The following NBPF12 variants were observed in gnomAD, a reference collection of about 807,000 sequenced individuals.
NBPF12 encodes NBPF member 12.
In NBPF12, 115 loss-of-function variants were observed where a neutral mutation model predicts 146.4. The observed-to-expected ratio is 0.79, with a 90% CI of 0.68 to 0.92. NBPF12 has a LOEUF of 0.92. Among genes scored for constraint, NBPF12 ranks in the 40% least tolerant of loss-of-function variants. The pLI is 0.00. For synonymous variants in NBPF12, 385 were observed against 508.9 expected (o/e 0.76, Z 3.28); for missense variants, 1,205 against 1,326.8 (o/e 0.91, Z 1.43).
chr1:146,941,374 T>C (rs2474003), intron 1 of NBPF12, among the ~76,000 whole-genome samples: 14 of 151,926 alleles, frequency 9.2e-5, no homozygotes, highest in South Asian at 4.2e-4. Context: ...CATGAGCTAC[T>C]GCACCCGGCC....
At chr1:146,970,826 G>A (rs1656558757) in intron 12 of NBPF12, 107 bp downstream of exon 15, 3 of 1,092,736 alleles carry the variant, frequency 2.7e-6, no homozygotes, top group Non-Finnish European at 4.2e-6. Flanking sequence ...GCATTCCCTT[G>A]GCCACAGTAT....
exon 13 of NBPF12, chr1:146,971,308 T>G: frequency 6.2e-7 from 1 of 1,612,140 alleles, no homozygotes; most frequent in Non-Finnish European, 8.5e-7. Flanking sequence ...AAAATCACAT[T>G]TGAGGAAGAC....
chr1:146,984,891 A>C, exon 22 of NBPF12: 2 of 1,595,530 alleles, frequency 1.3e-6, no homozygotes, highest in Non-Finnish European at 1.7e-6. Flanking sequence ...CAACTCCTTC[A>C]GTTTATCTTG....
chr1:146,972,909 T>C lies in NBPF12; in HGVS notation c.1750T>C (p.Cys584Arg), dbSNP rs1553886817. The C allele has an allele frequency of 1.3e-4, 137 of 1,031,102 alleles. 2 individuals are homozygous for C. In the East Asian group the frequency reaches 3.2e-3, roughly 24 times the overall value. The allele number at this position is 1,031,102 out of a possible 1,614,324, so 63.9% of individuals were successfully genotyped here. Residue 584 changes from cysteine to arginine, a missense_variant, in exon 14 of 34, where the codon TGT becomes CGT. By Grantham distance (180) the Cys-to-Arg change is radical (BLOSUM62 -3). Around this residue, in one of 16 missense-constraint regions of NBPF12, gnomAD observed 278 missense variants for 203.1 expected, o/e 1.37. Transcript: ENST00000617844. Reference sequence around the variant, plus strand: ...GCAGTTCAGAAGCCTCAAAGAGAAATGTTTTGTAACTCAAGTGGCCTGCTT... The same window carrying C: ...GCAGTTCAGAAGCCTCAAAGAGAAACGTTTTGTAACTCAAGTGGCCTGCTT...
At chr1:146,962,993 A>C (rs1388802611) in intron 5 of NBPF12, 102 bp from the exon 9 acceptor site, 4 of 960,164 alleles carry the variant, frequency 4.2e-6, no homozygotes, top group Non-Finnish European at 6.7e-6. Flanking sequence ...CTTCTGCTTG[A>C]AGGTCTCCTT....
intron 2 of NBPF12, among the ~76,000 whole-genome samples, chr1:146,955,773 G>A (rs1655556399): frequency 6.6e-6 from 1 of 151,546 alleles, no homozygotes; most frequent in African/African-American, 2.4e-5. Context: ...AAATCACAGA[G>A]GTTTGGAGAG....
At chr1:146,944,681 C>T (rs1265436237), upstream of NBPF12, among the ~76,000 whole-genome samples, 1 of 151,632 alleles carries the variant, frequency 6.6e-6, no homozygotes, top group African/African-American at 2.4e-5. Flanking sequence ...TATAGTTTTA[C>T]AGTAGTGCGT....
intron 11 of NBPF12, 124 bp from the exon 15 acceptor site, chr1:146,970,523 A>T (rs1190434381): frequency 7.6e-7 from 1 of 1,311,342 alleles, no homozygotes; most frequent in Admixed American, 1.7e-5. Flanking sequence ...GAAAGATAAA[A>T]CATGAGAGTT....
chr1:146,994,417 T>G, exon 34 of NBPF12: 1 of 1,612,288 alleles, frequency 6.2e-7, no homozygotes, highest in Non-Finnish European at 8.5e-7. Flanking sequence ...ATCAATGTAC[T>G]TTGAACTACC....
intron 1 of NBPF12, among the ~76,000 whole-genome samples, chr1:146,940,900 T>A (rs1229866683): frequency 6.6e-6 from 1 of 151,998 alleles, no homozygotes; most frequent in Non-Finnish European, 1.5e-5. Flanking sequence ...ATATGTCCTC[T>A]TTCATGAAGT....
intron 2 of NBPF12, among the ~76,000 whole-genome samples, chr1:146,954,981 TATATATA>T (rs1655513515): frequency 4.2e-5 from 1 of 23,834 alleles, no homozygotes; most frequent in Non-Finnish European, 6.8e-5. Flanking sequence ...TATATATATA[TATATATA>T]TATATATATA....
intron 2 of NBPF12, among the ~76,000 whole-genome samples, chr1:146,955,003 TATATATATATACAC>T (rs1281435149): frequency 1.6e-5 from 1 of 63,576 alleles, no homozygotes; most frequent in African/African-American, 6.6e-5. Flanking sequence ...TATATATATA[TATATATATATACAC>T]ACACACACAC....
intron 2 of NBPF12, among the ~76,000 whole-genome samples, chr1:146,952,932 A>G (rs1553884029): frequency 0.01 from 1,544 of 150,552 alleles, 19 homozygotes; most frequent in South Asian, 0.021. Flanking sequence ...GTCCCATAGC[A>G]TTATTTACCT....
rs1553885252 is a variant in NBPF12 at position 146,964,443 on chromosome 1, C to T, written c.566+14C>T. On this transcript the variant is annotated intron_variant, in intron 7 of 33. Transcript: ENST00000617844. Reference sequence around the variant, plus strand: ...ATCTGCCCCCAGGTAACACTGAATACTCAGGAGCAAGTAATGGGTGGTAAC... The same window carrying T: ...ATCTGCCCCCAGGTAACACTGAATATTCAGGAGCAAGTAATGGGTGGTAAC... The T allele has an allele frequency of 1.1e-5, 18 of 1,599,066 alleles. No homozygotes were observed. The Admixed American group carries it at 2.7e-4, about 24-fold the overall frequency.
At chr1:146,994,593 G>T (rs782518954) in exon 34 of NBPF12, 20 of 1,596,268 alleles carry the variant, frequency 1.3e-5, no homozygotes, top group Non-Finnish European at 1.5e-5. Context: ...TTACTAAGCC[G>T]AGAGGTTTCA....
At chr1:146,943,108 G>T (rs61805944) in intron 1 of NBPF12, among the ~76,000 whole-genome samples, 183 bp from the exon 2 acceptor site, 1,520 of 149,726 alleles carry the variant, frequency 0.01, 17 homozygotes, top group Middle Eastern at 0.02. Flanking sequence ...TTACTATGTT[G>T]CACAGGCTGG....
exon 20 of NBPF12, chr1:146,983,063 G>C: frequency 6.2e-7 from 1 of 1,604,588 alleles, no homozygotes; most frequent in Non-Finnish European, 8.5e-7. Flanking sequence ...TAGAGGAACA[G>C]CAAGTCTGCA....
At chr1:146,964,713 A>T (rs1178296173) in intron 7 of NBPF12, among the ~76,000 whole-genome samples, 180 bp from the exon 11 acceptor site, 4 of 125,932 alleles carry the variant, frequency 3.2e-5, no homozygotes, top group African/African-American at 9.2e-5. Context: ...TCTGGCTCCC[A>T]TGGCAGCCAT....
intron 9 of NBPF12, among the ~76,000 whole-genome samples, 155 bp from the exon 13 acceptor site, chr1:146,968,291 CAG>C: frequency 1.1e-5 from 1 of 87,006 alleles, no homozygotes; most frequent in Admixed American, 1.1e-4. Flanking sequence ...GCCAGAAAGT[CAG>C]GAGACTGAAG....
Sources: gnomAD v4.1 joint callset for allele counts (sites outside exome capture counted in the v4.1 genomes callset) on GRCh38, gnomAD v4.1.1 for gene constraint, gnomAD v4.1.1 regional missense constraint, MANE v1.5 for transcripts, NCBI Gene and HGNC (gene_info 2026-07-23, HGNC 2026-07-21) for gene names.